The following SUGCT variants were observed in gnomAD, a reference collection of about 807,000 sequenced individuals.
SUGCT encodes succinyl-CoA:glutarate CoA-transferase.
In SUGCT, 41 loss-of-function variants were observed where a neutral mutation model predicts 55.0. The ratio of observed to expected loss-of-function variants is 0.74; its 90% CI spans 0.58 to 0.97. The LOEUF (loss-of-function observed/expected upper bound fraction) is 0.97, where lower values mean the gene tolerates loss of function less well. Ranked by LOEUF, SUGCT falls within the 50% of genes least tolerant of loss-of-function variation. SUGCT has a pLI of 0.00. For missense variants in SUGCT, 568 were observed against 547.8 expected, an observed-to-expected ratio of 1.04 and a Z score of -0.37; for synonymous variants, 187 against 200.4, an observed-to-expected ratio of 0.93 and a Z score of 0.56.
At chr7:40,750,081 A>T (rs1462502293) in intron 13 of SUGCT, among the ~76,000 whole-genome samples, 1 of 152,214 alleles carries the variant, frequency 6.6e-6, no homozygotes. Flanking sequence ...CAGCTTCTTT[A>T]CTTGCAGAGG....
At chr7:40,503,809 G>A (rs1369972599) in intron 12 of SUGCT, among the ~76,000 whole-genome samples, 1 of 152,158 alleles carries the variant, frequency 6.6e-6, no homozygotes, top group Non-Finnish European at 1.5e-5. Flanking sequence ...AATTTGGTTA[G>A]TAAAAGTGAA....
At chr7:40,320,168 G>T (rs928138068) in intron 9 of SUGCT, among the ~76,000 whole-genome samples, 2 of 151,714 alleles carry the variant, frequency 1.3e-5, no homozygotes, top group Admixed American at 1.3e-4. Context: ...GTGCAGTGGC[G>T]TGATCTTGGC....
the SUGCT span, among the ~76,000 whole-genome samples, chr7:40,866,378 G>T: frequency 5.3e-5 from 8 of 151,926 alleles, no homozygotes; most frequent in Non-Finnish European, 1.2e-4. Flanking sequence ...TACTCCTGAT[G>T]AACATTATTG....
rs1331181965 is a variant in SUGCT, at chr7:40,237,639, T to C, written c.489T>C (p.Tyr163=). ...PHIIYCSITG[Y]GQTGPISQRA... ...TGTTTATTTTTGTTGTTTTAGGGTA[T>C]GGTCAGACAGGTCCAATTTCTCAGC... Residue 163 remains tyrosine (Y), a synonymous_variant, in exon 7 of 14, where the codon TAT becomes TAC. Transcript: ENST00000335693. The C allele has an allele frequency of 6.2e-7, 1 of 1,613,686 alleles. No homozygotes were observed.
intron 12 of SUGCT, among the ~76,000 whole-genome samples, chr7:40,517,942 GA>G (rs1449070443): frequency 6.6e-6 from 1 of 152,068 alleles, no homozygotes; most frequent in Non-Finnish European, 1.5e-5. Flanking sequence ...TATCTGAAAG[GA>G]AAAACTATGG....
At chr7:40,294,372 A>G (rs941867487) in intron 8 of SUGCT, among the ~76,000 whole-genome samples, 3 of 152,226 alleles carry the variant, frequency 2.0e-5, no homozygotes, top group Non-Finnish European at 4.4e-5. Flanking sequence ...AGGAGTGTTT[A>G]GGAGCTCTTC....
intron 1 of SUGCT, among the ~76,000 whole-genome samples, chr7:40,179,482 A>T (rs1562555519): frequency 6.6e-6 from 1 of 151,982 alleles, no homozygotes. Flanking sequence ...TAGTGGAGAC[A>T]GGGTTGGCCA....
At chr7:40,413,337 G>A (rs931565448) in intron 9 of SUGCT, among the ~76,000 whole-genome samples, 2 of 152,014 alleles carry the variant, frequency 1.3e-5, no homozygotes, top group African/African-American at 4.8e-5. Flanking sequence ...GGCTGTGTCT[G>A]GCCTCCTTCC....
intron 6 of SUGCT, among the ~76,000 whole-genome samples, chr7:40,235,803 C>G (rs937978377): frequency 6.6e-6 from 1 of 152,138 alleles, no homozygotes; most frequent in African/African-American, 2.4e-5. Flanking sequence ...TATTGTGTTT[C>G]TATTGTGATA....
chr7:40,365,518 T>C (rs1783901866), intron 9 of SUGCT, among the ~76,000 whole-genome samples: 1 of 152,132 alleles, frequency 6.6e-6, no homozygotes, highest in Admixed American at 6.5e-5. Flanking sequence ...AAAACCCCTT[T>C]GTCTCAGCCT....
chr7:40,619,804 G>A (rs1284547738), intron 12 of SUGCT, among the ~76,000 whole-genome samples: 1 of 152,144 alleles, frequency 6.6e-6, no homozygotes, highest in African/African-American at 2.4e-5. Flanking sequence ...TGTTAAAAGA[G>A]GGCTGATAGT....
the SUGCT span, chr7:40,965,423 T>C: frequency 1.3e-5 from 2 of 152,212 alleles, no homozygotes. Context: ...AATTCATTTG[T>C]TTTAGTCTTA....
chr7:41,018,433 A>G, the SUGCT span, among the ~76,000 whole-genome samples: 1 of 152,182 alleles, frequency 6.6e-6, no homozygotes, highest in Non-Finnish European at 1.5e-5. Flanking sequence ...GTGAGGAAGC[A>G]TGGCAGGGAA....
At chr7:40,166,739 TAGTC>T (rs1487757041) in intron 1 of SUGCT, among the ~76,000 whole-genome samples, 2 of 151,816 alleles carry the variant, frequency 1.3e-5, no homozygotes, top group African/African-American at 4.8e-5. Context: ...ATACAAAAAT[TAGTC>T]AGGCATGGTG....
At chr7:40,683,376 C>G (rs950615900) in intron 12 of SUGCT, among the ~76,000 whole-genome samples, 3 of 152,116 alleles carry the variant, frequency 2.0e-5, no homozygotes, top group Admixed American at 1.3e-4. Context: ...TCAAGACCAC[C>G]CCCTTCCTTT....
the SUGCT span, among the ~76,000 whole-genome samples, chr7:40,956,196 A>G: frequency 2.6e-5 from 4 of 152,196 alleles, no homozygotes; most frequent in South Asian, 6.2e-4. Context: ...TAGTTCTAGA[A>G]GGAATGGTAC....
the SUGCT span, among the ~76,000 whole-genome samples, chr7:40,996,110 AT>A: frequency 6.6e-6 from 1 of 152,156 alleles, no homozygotes; most frequent in Non-Finnish European, 1.5e-5. Context: ...AGTGCTCAAC[AT>A]TTTTGGAATG....
chr7:41,004,161 G>A, the SUGCT span, among the ~76,000 whole-genome samples: 2 of 152,162 alleles, frequency 1.3e-5, no homozygotes, highest in Admixed American at 1.3e-4. Flanking sequence ...AAAGAGGAGG[G>A]AGAGGCAGAG....
intron 12 of SUGCT, among the ~76,000 whole-genome samples, chr7:40,560,032 G>T (rs1795753133): frequency 6.6e-6 from 1 of 152,140 alleles, no homozygotes; most frequent in African/African-American, 2.4e-5. Context: ...ATGGTTCTTA[G>T]GCAAAAGGGT....
Sources: gnomAD v4.1 joint callset for allele counts (sites outside exome capture counted in the v4.1 genomes callset) on GRCh38, gnomAD v4.1.1 for gene constraint, MANE v1.5 for transcripts, NCBI Gene and HGNC (gene_info 2026-07-23, HGNC 2026-07-21) for gene names.